ARHGEF10L: variants seen among roughly 807,000 people sequenced by gnomAD.
ARHGEF10L encodes rho guanine nucleotide exchange factor 10-like protein.
ARHGEF10L carries 69 observed loss-of-function variants against 141.2 expected under a neutral mutation model. The ratio of observed to expected loss-of-function variants is 0.49; its 90% CI spans 0.40 to 0.60. The LOEUF (loss-of-function observed/expected upper bound fraction) is 0.60. Among genes scored for constraint, ARHGEF10L ranks in the 20% least tolerant of loss-of-function variants. The pLI is 0.00. For missense variants in ARHGEF10L, 1,482 were observed against 1,734.3 expected, an observed-to-expected ratio of 0.85 and a Z score of 2.58; for synonymous variants, 711 against 718.5, an observed-to-expected ratio of 0.99 and a Z score of 0.17.
chr1:17,583,643 G>A (rs1469124068), intron 2 of ARHGEF10L, among the ~76,000 whole-genome samples: 1 of 152,056 alleles, frequency 6.6e-6, no homozygotes, highest in Admixed American at 6.5e-5. Context: ...CTGAACCCAG[G>A]TGGCCCGACT....
the ARHGEF10L span, among the ~76,000 whole-genome samples, chr1:17,516,879 A>G: frequency 6.6e-6 from 1 of 152,168 alleles, no homozygotes; most frequent in East Asian, 1.9e-4. Context: ...AAGCCTCCAT[A>G]TAAGGACCAC....
intron 27 of ARHGEF10L, chr1:17,694,951 T>G (rs1569878606): frequency 1.4e-6 from 1 of 735,156 alleles, no homozygotes. Flanking sequence ...CTGAGGCTGG[T>G]TAGGGGAGTG....
chr1:17,652,775 A>ATGGGGC (rs939094494), intron 22 of ARHGEF10L, among the ~76,000 whole-genome samples: 1 of 151,970 alleles, frequency 6.6e-6, no homozygotes, highest in African/African-American at 2.4e-5. Flanking sequence ...GGCCTTGGGG[A>ATGGGGC]TGGGGCTGGG....
intron 1 of ARHGEF10L, among the ~76,000 whole-genome samples, chr1:17,540,353 G>C (rs1204451515): frequency 6.6e-6 from 1 of 151,810 alleles, no homozygotes; most frequent in African/African-American, 2.4e-5. Flanking sequence ...TGAAGTCAGG[G>C]AGTGCCCCTG....
At chr1:17,554,583 CTTTTTT>C (rs970778480) in intron 1 of ARHGEF10L, among the ~76,000 whole-genome samples, 2 of 122,310 alleles carry the variant, frequency 1.6e-5, no homozygotes, top group Admixed American at 8.2e-5. Context: ...TCCTTCCTTC[CTTTTTT>C]TTTTTTTTTT....
At chr1:17,665,252 T>C (rs2062900140) in intron 26 of ARHGEF10L, among the ~76,000 whole-genome samples, 1 of 152,160 alleles carries the variant, frequency 6.6e-6, no homozygotes, top group Admixed American at 6.5e-5. Flanking sequence ...TGGCCTGGAG[T>C]GGAGCTCTCC....
chr1:17,534,021 G>T, the ARHGEF10L span, among the ~76,000 whole-genome samples: 1 of 151,924 alleles, frequency 6.6e-6, no homozygotes, highest in African/African-American at 2.4e-5. Context: ...GAGTGCAGTG[G>T]CGTGATCTTG....
intron 14 of ARHGEF10L, among the ~76,000 whole-genome samples, chr1:17,626,856 T>C (rs535675467): frequency 6.6e-6 from 1 of 152,382 alleles, no homozygotes; most frequent in Non-Finnish European, 1.5e-5. Flanking sequence ...CGTGGAATCA[T>C]ACAATGTTTT....
intron 1 of ARHGEF10L, among the ~76,000 whole-genome samples, chr1:17,563,066 A>AT (rs2077606473): frequency 6.6e-6 from 1 of 152,048 alleles, no homozygotes; most frequent in Non-Finnish European, 1.5e-5. Flanking sequence ...GAGGAGGCAG[A>AT]TTTAGACTCT....
intron 14 of ARHGEF10L, 126 bp downstream of exon 14, chr1:17,626,174 T>G: frequency 1.4e-6 from 1 of 715,190 alleles, no homozygotes; most frequent in East Asian, 2.8e-5. Context: ...CAACCTGCTG[T>G]GGGACTCTGG....
At chr1:17,687,861 G>C (rs1488337895) in intron 27 of ARHGEF10L, 114 bp downstream of exon 27, 17 of 1,224,048 alleles carry the variant, frequency 1.4e-5, no homozygotes, top group Non-Finnish European at 1.9e-5. Flanking sequence ...CTGAAAACTG[G>C]GGCTTTAATT....
intron 1 of ARHGEF10L, among the ~76,000 whole-genome samples, chr1:17,561,272 C>T (rs77898519): frequency 2.0e-3 from 297 of 152,306 alleles, no homozygotes; most frequent in African/African-American, 6.5e-3. Flanking sequence ...CTGCACCTCC[C>T]CCCCGCCCCG....
chr1:17,545,791 CAT>C (rs1329963568), intron 1 of ARHGEF10L, among the ~76,000 whole-genome samples: 2 of 152,168 alleles, frequency 1.3e-5, no homozygotes. Flanking sequence ...GACATGTGCA[CAT>C]GTTACATACA....
the ARHGEF10L span, among the ~76,000 whole-genome samples, chr1:17,518,659 G>GAC: frequency 6.6e-6 from 1 of 151,942 alleles, no homozygotes; most frequent in East Asian, 1.9e-4. Flanking sequence ...GGGCATAGTG[G>GAC]TGCACACCTG....
At chr1:17,687,449 A>T in intron 26 of ARHGEF10L, 124 bp from the exon 27 acceptor site, 1 of 1,082,130 alleles carries the variant, frequency 9.2e-7, no homozygotes, top group Non-Finnish European at 1.3e-6. Context: ...CTGGGCTTCT[A>T]ATGTTCCCTG....
chr1:17,669,269 G>A (rs777680838), intron 26 of ARHGEF10L, among the ~76,000 whole-genome samples: 2 of 152,222 alleles, frequency 1.3e-5, no homozygotes, highest in Non-Finnish European at 2.9e-5. Context: ...GACCAAATGT[G>A]AAAACACAGG....
At chr1:17,591,705 C>G (rs2079561350) in intron 4 of ARHGEF10L, among the ~76,000 whole-genome samples, 1 of 151,838 alleles carries the variant, frequency 6.6e-6, no homozygotes, top group South Asian at 2.1e-4. Flanking sequence ...AGCCACCGCG[C>G]CTGGCCTAAC....
At chr1:17,608,009 T>G in intron 7 of ARHGEF10L, 32 bp downstream of exon 7, 1 of 647,264 alleles carries the variant, frequency 1.5e-6, no homozygotes, top group African/African-American at 2.1e-5. Context: ...CTCACCTCAG[T>G]CAGGGCACGG....
intron 21 of ARHGEF10L, among the ~76,000 whole-genome samples, chr1:17,645,827 T>G (rs2101899081): frequency 6.6e-6 from 1 of 152,278 alleles, no homozygotes; most frequent in East Asian, 1.9e-4. Flanking sequence ...GGAGTGCGGA[T>G]AGAAGGACGT....
Sources: gnomAD v4.1 joint callset for allele counts (sites outside exome capture counted in the v4.1 genomes callset) on GRCh38, gnomAD v4.1.1 for gene constraint, MANE v1.5 for transcripts, NCBI Gene and HGNC (gene_info 2026-07-23, HGNC 2026-07-21) for gene names.